The following CNTNAP2 variants were observed in gnomAD, a reference collection of about 807,000 sequenced individuals.
CNTNAP2 encodes the protein contactin-associated protein-like 2.
A neutral mutation model predicts 155.2 loss-of-function variants in CNTNAP2; 98 were observed. The observed-to-expected ratio is 0.63, with a 90% CI of 0.54 to 0.75. The LOEUF is 0.75. Among genes scored for constraint, CNTNAP2 ranks in the 30% least tolerant of loss-of-function variants. CNTNAP2 has a pLI of 0.00. For synonymous variants in CNTNAP2, 651 were observed against 631.2 expected (o/e 1.03, Z -0.47); for missense variants, 1,727 against 1,688.1 (o/e 1.02, Z -0.40).
Position 147,943,024 on chromosome 7 carries a change from G to A in CNTNAP2, c.2256-34838G>A, listed in dbSNP as rs567005275. Among the ~76,000 whole-genome samples, 36 of 151,170 alleles carry A rather than the reference G, an allele frequency of 2.4e-4. No homozygotes were observed. In the South Asian group the frequency reaches 6.9e-3, roughly 29 times the overall value. On this transcript the variant is annotated intron_variant, in intron 14 of 23. Transcript: ENST00000361727. ...TGCACACCAGCCTGGGCGACAAAGC[G>A]AGACTCCATCTCAAAAAAAAAAAAA... is the stretch of plus-strand genomic sequence containing the variant.
At chr7:146,890,829 C>T (rs1795759857) in intron 3 of CNTNAP2, among the ~76,000 whole-genome samples, 1 of 152,120 alleles carries the variant, frequency 6.6e-6, no homozygotes, top group African/African-American at 2.4e-5. Flanking sequence ...GATCATACAT[C>T]ATTACTTGAT....
chr7:146,935,453 C>A (rs187097287), intron 3 of CNTNAP2, among the ~76,000 whole-genome samples: 1 of 152,312 alleles, frequency 6.6e-6, no homozygotes, highest in Non-Finnish European at 1.5e-5. Context: ...AACTTTGGTT[C>A]ACTCCCTTTG....
intron 15 of CNTNAP2, among the ~76,000 whole-genome samples, chr7:148,017,185 T>C (rs1443040267): frequency 6.6e-6 from 1 of 152,184 alleles, no homozygotes; most frequent in Non-Finnish European, 1.5e-5. Context: ...CACTGAGACA[T>C]GCAAAAGGGA....
intron 4 of CNTNAP2, among the ~76,000 whole-genome samples, chr7:147,066,920 G>A (rs1173873016): frequency 6.6e-6 from 1 of 152,172 alleles, no homozygotes; most frequent in Admixed American, 6.6e-5. Context: ...TGAAGGCCCT[G>A]TACAAGGTTG....
At chr7:147,410,254 T>C (rs907053321) in intron 10 of CNTNAP2, among the ~76,000 whole-genome samples, 3 of 152,180 alleles carry the variant, frequency 2.0e-5, no homozygotes, top group African/African-American at 7.2e-5. Flanking sequence ...TGAATGGAGC[T>C]GGAGGCCATT....
intron 10 of CNTNAP2, among the ~76,000 whole-genome samples, chr7:147,452,607 C>T (rs1000552195): frequency 4.6e-5 from 7 of 152,072 alleles, no homozygotes; most frequent in African/African-American, 1.7e-4. Flanking sequence ...AAAAGAAGTT[C>T]ATGCTAAATT....
At chr7:147,991,832 A>AC (rs1801715476) in intron 15 of CNTNAP2, among the ~76,000 whole-genome samples, 1 of 152,076 alleles carries the variant, frequency 6.6e-6, no homozygotes, top group Non-Finnish European at 1.5e-5. Flanking sequence ...GCTATAAACT[A>AC]CCTCACTCTG....
chr7:146,487,259 A>T (rs1409498687), intron 1 of CNTNAP2, among the ~76,000 whole-genome samples: 1 of 152,206 alleles, frequency 6.6e-6, no homozygotes, highest in Admixed American at 6.5e-5. Context: ...TTTATTAGGA[A>T]TGTTATACTA....
At chr7:146,424,927 T>TG (rs1796066748) in intron 1 of CNTNAP2, among the ~76,000 whole-genome samples, 1 of 152,138 alleles carries the variant, frequency 6.6e-6, no homozygotes, top group East Asian at 1.9e-4. Context: ...TCTGACATAT[T>TG]GAAAAAAAAA....
intron 15 of CNTNAP2, among the ~76,000 whole-genome samples, chr7:148,033,871 T>C (rs62471661): frequency 0.1 from 15,473 of 152,142 alleles, 1,093 homozygotes; most frequent in East Asian, 0.27. Context: ...AGCATATTAC[T>C]TCTTCTTACC....
chr7:148,167,913 T>A (rs1023441095), intron 17 of CNTNAP2, among the ~76,000 whole-genome samples: 1 of 152,208 alleles, frequency 6.6e-6, no homozygotes, highest in Non-Finnish European at 1.5e-5. Context: ...ATGAACCCTG[T>A]ATATATAAAT....
At chr7:148,058,754 C>G (rs1176470395) in intron 15 of CNTNAP2, among the ~76,000 whole-genome samples, 1 of 152,156 alleles carries the variant, frequency 6.6e-6, no homozygotes, top group Non-Finnish European at 1.5e-5. Context: ...TGACCTCACC[C>G]AAATTTTAAT....
At chr7:146,807,311 A>G (rs984622684) in intron 2 of CNTNAP2, among the ~76,000 whole-genome samples, 1 of 152,140 alleles carries the variant, frequency 6.6e-6, no homozygotes, top group African/African-American at 2.4e-5. Flanking sequence ...ATTATTCCAT[A>G]GTCTTACATA....
intron 1 of CNTNAP2, among the ~76,000 whole-genome samples, chr7:146,151,682 G>GTATATATATATATATATATGTGTA (rs775446723): frequency 4.0e-5 from 3 of 74,140 alleles, no homozygotes; most frequent in Non-Finnish European, 8.3e-5. Context: ...ATATATATAT[G>GTATATATATATATATATATGTGTA]TATATATATA....
At chr7:147,117,569 T>A (rs896771605) in intron 5 of CNTNAP2, among the ~76,000 whole-genome samples, 2 of 152,202 alleles carry the variant, frequency 1.3e-5, no homozygotes, top group Non-Finnish European at 2.9e-5. Context: ...CACTGCAGAC[T>A]TCAGCTGCTT....
chr7:146,246,099 A>C (rs909259950), intron 1 of CNTNAP2, among the ~76,000 whole-genome samples: 6 of 151,994 alleles, frequency 3.9e-5, no homozygotes, highest in African/African-American at 1.5e-4. Context: ...GCAGGCTTTA[A>C]TCCTTTCAAA....
At chr7:147,408,500 C>G (rs911062990) in intron 10 of CNTNAP2, among the ~76,000 whole-genome samples, 1 of 152,218 alleles carries the variant, frequency 6.6e-6, no homozygotes, top group Non-Finnish European at 1.5e-5. Flanking sequence ...GTGGCTCACG[C>G]CTCTAATCCC....
chr7:148,208,755 A>T (rs754135086), intron 18 of CNTNAP2, among the ~76,000 whole-genome samples: 2 of 152,146 alleles, frequency 1.3e-5, no homozygotes, highest in Non-Finnish European at 2.9e-5. Flanking sequence ...CCCCAGTTAG[A>T]TTGGGAAAAT....
intron 1 of CNTNAP2, among the ~76,000 whole-genome samples, chr7:146,356,704 A>G (rs1795003577): frequency 6.6e-6 from 1 of 152,104 alleles, no homozygotes; most frequent in Non-Finnish European, 1.5e-5. Flanking sequence ...GCAGTTAGAG[A>G]TTTTCTAGAG....
Sources: allele counts gnomAD v4.1 joint callset (sites outside exome capture counted in the v4.1 genomes callset), GRCh38; gene constraint gnomAD v4.1.1; transcripts MANE v1.5; gene names NCBI Gene and HGNC (gene_info 2026-07-23, HGNC 2026-07-21).